The following NFASC variants were observed in gnomAD, a reference collection of about 807,000 sequenced individuals.
The protein encoded by NFASC is neurofascin homolog.
In NFASC, 43 loss-of-function variants were observed where a neutral mutation model predicts 147.5. The observed-to-expected ratio is 0.29, with a 90% CI of 0.23 to 0.38. NFASC has a LOEUF of 0.38. Among genes scored for constraint, NFASC ranks in the 10% least tolerant of loss-of-function variants. The pLI, the probability that NFASC is intolerant of heterozygous loss-of-function variation, is 1.00. For missense variants in NFASC, 1,320 were observed against 1,689.0 expected (o/e 0.78, Z 3.83); for synonymous variants, 622 against 665.5 (o/e 0.93, Z 1.01).
chr1:204,837,289 A>G (rs1674047165), intron 1 of NFASC, among the ~76,000 whole-genome samples: 1 of 152,220 alleles, frequency 6.6e-6, no homozygotes, highest in Admixed American at 6.5e-5. Context: ...GATGGGTAGG[A>G]CCTGAACAGT....
At chr1:205,001,402 T>C (rs2095982161) in intron 26 of NFASC, 116 bp downstream of exon 26, 1 of 677,238 alleles carries the variant, frequency 1.5e-6, no homozygotes, top group African/African-American at 1.8e-5. Context: ...AGAGGCCTTT[T>C]AGCCTGGCTT....
chr1:204,990,642 C>A (rs2095710022), intron 23 of NFASC: 1 of 152,006 alleles, frequency 6.6e-6, no homozygotes, highest in East Asian at 1.9e-4. Flanking sequence ...TCATAAAGTC[C>A]AACTGGAGGG....
At chr1:204,908,486 A>G (rs1224927096) in intron 1 of NFASC, among the ~76,000 whole-genome samples, 1 of 152,238 alleles carries the variant, frequency 6.6e-6, no homozygotes, top group East Asian at 1.9e-4. Context: ...AAAAAGAATC[A>G]ACTGAAAAAC....
intron 1 of NFASC, among the ~76,000 whole-genome samples, chr1:204,853,413 C>G (rs532246294): frequency 6.6e-6 from 1 of 152,164 alleles, no homozygotes; most frequent in South Asian, 2.1e-4. Context: ...TCCCCCATGT[C>G]CCCCATTTAG....
chr1:204,853,077 G>A (rs2075837468), intron 1 of NFASC, among the ~76,000 whole-genome samples: 2 of 152,086 alleles, frequency 1.3e-5, no homozygotes, highest in African/African-American at 4.8e-5. Flanking sequence ...CAGATGGGAA[G>A]CAATGCTGTG....
chr1:204,910,166 T>C (rs1300351370), intron 1 of NFASC, among the ~76,000 whole-genome samples: 1 of 152,098 alleles, frequency 6.6e-6, no homozygotes, highest in Non-Finnish European at 1.5e-5. Context: ...TATATATATA[T>C]GGAGATAATT....
At chr1:204,848,164 C>T (rs2075342316) in intron 1 of NFASC, among the ~76,000 whole-genome samples, 1 of 152,204 alleles carries the variant, frequency 6.6e-6, no homozygotes, top group African/African-American at 2.4e-5. Flanking sequence ...GCTGACACTG[C>T]CTCTTAGCAG....
intron 28 of NFASC, among the ~76,000 whole-genome samples, chr1:205,011,256 A>G (rs2096249772): frequency 7.0e-6 from 1 of 143,068 alleles, no homozygotes; most frequent in Admixed American, 7.0e-5. Flanking sequence ...AGGAGACTGG[A>G]TTCTTTTTCA....
At chr1:204,884,189 G>A (rs1169710552) in intron 1 of NFASC, among the ~76,000 whole-genome samples, 1 of 152,148 alleles carries the variant, frequency 6.6e-6, no homozygotes, top group Non-Finnish European at 1.5e-5. Flanking sequence ...AGGGGTGTGT[G>A]TGGAAGGACT....
chr1:204,895,182 C>T (rs1001679456), intron 1 of NFASC, among the ~76,000 whole-genome samples: 5 of 152,158 alleles, frequency 3.3e-5, no homozygotes, highest in African/African-American at 1.2e-4. Context: ...TCCTTCCTGC[C>T]CATAAGAACA....
chr1:204,913,428 G>A (rs1259229690), intron 1 of NFASC, among the ~76,000 whole-genome samples: 2 of 152,132 alleles, frequency 1.3e-5, no homozygotes, highest in African/African-American at 4.8e-5. Context: ...TAAAACTACA[G>A]TAATTAATAC....
At chr1:204,971,611 A>T (rs114719474) in intron 11 of NFASC, among the ~76,000 whole-genome samples, 52 of 152,302 alleles carry the variant, frequency 3.4e-4, no homozygotes, top group African/African-American at 1.3e-3. Flanking sequence ...TCTGTGCTAG[A>T]TGCTGCACTC....
In NFASC at chr1:204,987,541, G is replaced by A. The variant is rs2095641318; in HGVS notation, c.2593+1G>A. On this transcript the variant is annotated splice_donor_variant, in intron 22 of 29. Transcript: ENST00000339876. LOFTEE classifies it high-confidence loss of function. The surrounding 1 kb of genome is among the most constrained non-coding windows in gnomAD (Gnocchi z 4.4). ...GGATACACTCTCAAATATGTGGCCT[G>A]TACGTTCTGCCCTTCCCTTTCTCTT... 1 of 1,614,012 alleles carries A rather than the reference G, an allele frequency of 6.2e-7. No homozygotes were observed. Among genetic ancestry groups the A allele is most frequent in the South Asian group, 1.1e-5 (1 of 91,090 alleles).
Position 205,002,766 on chromosome 1 carries a change from C to T in NFASC, c.3289+18C>T. On this transcript the variant is annotated intron_variant, in intron 27 of 29. Coordinates refer to ENST00000339876, the MANE Select transcript of NFASC (RefSeq NM_001005388.3). ...CAGTACAGGTGAGAGGGGACCTGGCCTGGCCATCCCCTGCAAGCATGGGGC... is the reference window on the plus strand; with the variant it reads ...CAGTACAGGTGAGAGGGGACCTGGCTTGGCCATCCCCTGCAAGCATGGGGC... 2 of 1,427,790 alleles carry T rather than the reference C, an allele frequency of 1.4e-6. No homozygotes were observed. The highest frequency in any genetic ancestry group is 1.9e-6 in the Non-Finnish European group (2 of 1,071,318). 88.4% of individuals were successfully genotyped at this position (1,427,790 alleles called of 1,614,324 possible). A position where few individuals can be genotyped will look rare whatever the true frequency, so the allele number is the denominator to read the frequency against.
chr1:204,970,859 G>A (rs2095221560), intron 11 of NFASC, 112 bp downstream of exon 11: 1 of 1,344,432 alleles, frequency 7.4e-7, no homozygotes, highest in Non-Finnish European at 1.0e-6. Context: ...GAAGAGAGAA[G>A]CCCACTGGTG....
Position 204,906,751 on chromosome 1 carries a change from C to A in NFASC, c.-199-13881C>A. ...AGGCTGGAGTGCAGTGGCGCGATCT[C>A]GGCTCACTGCAAGCTCCGCCTCCCG... On this transcript the variant is annotated intron_variant, in intron 1 of 29. Coordinates refer to ENST00000339876, the MANE Select transcript of NFASC (RefSeq NM_001005388.3). Among the ~76,000 whole-genome samples, 2 of 148,294 alleles carry A rather than the reference C, an allele frequency of 1.3e-5. 1 individual carries two copies. Among genetic ancestry groups the A allele is most frequent in the Admixed American group, 1.3e-4 (2 of 15,108 alleles).
rs1356307075 is a variant in NFASC at position 205,021,344 on chromosome 1, A to G, written c.*4805A>G. ...CCATCCAGGAGAGCCACAAGCGTCC[A>G]CCAAACAGTGTCTCAGGCCTCACCT... is the stretch of plus-strand genomic sequence containing the variant. On this transcript the variant is annotated 3_prime_UTR_variant, in exon 30 of 30. Coordinates refer to ENST00000339876, the MANE Select transcript of NFASC (RefSeq NM_001005388.3). 6.6e-6 allele frequency: 1 copy of G among 152,662 alleles called. No individual in the cohort carries two copies. The highest frequency in any genetic ancestry group is 2.4e-5 in the African/African-American group (1 of 41,462). The allele number at this position is 152,662 out of a possible 1,614,324, so 9.5% of individuals were successfully genotyped here.
Position 204,944,281 on chromosome 1 carries a change from T to A in NFASC, c.-35T>A. 6.2e-7 allele frequency: 1 copy of A among 1,607,438 alleles called. No individual in the cohort carries two copies. The highest frequency in any genetic ancestry group is 8.5e-7 in the Non-Finnish European group (1 of 1,177,392). On this transcript the variant is annotated 5_prime_UTR_variant, in exon 3 of 30. Coordinates refer to ENST00000339876, the MANE Select transcript of NFASC (RefSeq NM_001005388.3). ...CGGCTCGAGGTGACAAGACCCCGAG[T>A]GCTGGGGAGCAGGGAGCAGGGCCAG...
intron 2 of NFASC, among the ~76,000 whole-genome samples, chr1:204,928,481 C>A (rs1041377769): frequency 4.6e-5 from 7 of 152,206 alleles, no homozygotes; most frequent in Admixed American, 2.0e-4. Flanking sequence ...GGCTTCCTTG[C>A]TGTGCCAGGC....
Sources: allele counts gnomAD v4.1 joint callset (sites outside exome capture counted in the v4.1 genomes callset), GRCh38; gene constraint gnomAD v4.1.1; non-coding constraint Gnocchi (gnomAD v3.1); transcripts MANE v1.5; gene names NCBI Gene and HGNC (gene_info 2026-07-23, HGNC 2026-07-21).